WDFY4: variants seen among roughly 807,000 people sequenced by gnomAD.
The protein encoded by WDFY4 is WDFY family member 4.
In WDFY4, 169 loss-of-function variants were observed where a neutral mutation model predicts 351.9. That is an observed-to-expected ratio of 0.48 (90% confidence interval 0.42 to 0.55). WDFY4 has a LOEUF of 0.55. WDFY4 is among the 20% of genes least tolerant of loss of function. WDFY4 has a pLI of 0.00. For synonymous variants in WDFY4, 1,622 were observed against 1,574.6 expected (o/e 1.03, Z -0.71); for missense variants, 3,803 against 3,935.6 (o/e 0.97, Z 0.90).
Position 48,887,130 on chromosome 10 carries a change from T to C in WDFY4, c.7168-3449T>C, listed in dbSNP as rs935382092. Among the ~76,000 whole-genome samples the C allele has an allele frequency of 5.3e-5, 8 of 152,244 alleles. No individual in the cohort carries two copies. The East Asian group carries it at 1.2e-3, about 22-fold the overall frequency. Reference sequence around the variant, plus strand: ...TGGCTTATTCTGGTTGATACTTAAGTCTTCCCAAAGGGAAGCACCAGATCA... The same window carrying C: ...TGGCTTATTCTGGTTGATACTTAAGCCTTCCCAAAGGGAAGCACCAGATCA... On this transcript the variant is annotated intron_variant, in intron 43 of 61. Transcript: ENST00000325239.
intron 8 of WDFY4, 97 bp from the exon 9 acceptor site, chr10:48,731,013 A>C (rs2064441216): frequency 7.5e-7 from 1 of 1,332,536 alleles, no homozygotes; most frequent in African/African-American, 1.5e-5. Flanking sequence ...AGAACACAGA[A>C]ACTTCAAATG....
rs2067650351 is a variant in WDFY4, at chr10:48,817,230, C to G, written c.5341-15C>G. ...TCATGCTGCCCTGCACTACCTCTCACCAAGTGTGCCTCAGCCCCTGGCAGG... is the reference window on the plus strand; with the variant it reads ...TCATGCTGCCCTGCACTACCTCTCAGCAAGTGTGCCTCAGCCCCTGGCAGG... On this transcript the variant is annotated splice_polypyrimidine_tract_variant and intron_variant, in intron 31 of 61. Coordinates refer to ENST00000325239, the MANE Select transcript of WDFY4 (RefSeq NM_001394531.1). The G allele has an allele frequency of 6.4e-7, 1 of 1,550,978 alleles. No individual in the cohort carries two copies. The highest frequency in any genetic ancestry group is 2.0e-5 in the Admixed American group (1 of 50,982).
intron 32 of WDFY4, among the ~76,000 whole-genome samples, chr10:48,819,158 A>G (rs1483163864): frequency 6.6e-6 from 1 of 152,188 alleles, no homozygotes; most frequent in Non-Finnish European, 1.5e-5. Flanking sequence ...GCCCAGAGTC[A>G]CATCCCCAGC....
chr10:48,927,956 C>T (rs1310863618), intron 47 of WDFY4, among the ~76,000 whole-genome samples: 1 of 152,160 alleles, frequency 6.6e-6, no homozygotes, highest in African/African-American at 2.4e-5. Context: ...ACCCTATGTT[C>T]AAAACACACA....
chr10:48,941,463 A>G (rs1488066797), intron 47 of WDFY4, among the ~76,000 whole-genome samples: 2 of 152,140 alleles, frequency 1.3e-5, no homozygotes. Flanking sequence ...GGCAGGGATA[A>G]AGAAGGCCGA....
intron 39 of WDFY4, among the ~76,000 whole-genome samples, chr10:48,856,386 T>C (rs11101535): frequency 0.16 from 24,102 of 152,010 alleles, 2,702 homozygotes; most frequent in East Asian, 0.59. Flanking sequence ...TCAAGAAAAA[T>C]ATCCAGTTAT....
chr10:48,803,692 A>G (rs2067159405), intron 25 of WDFY4, among the ~76,000 whole-genome samples: 1 of 152,222 alleles, frequency 6.6e-6, no homozygotes, highest in Non-Finnish European at 1.5e-5. Context: ...TTTACCCTTC[A>G]AGTGGTAGAA....
intron 39 of WDFY4, among the ~76,000 whole-genome samples, chr10:48,851,215 G>C (rs953842760): frequency 6.6e-6 from 1 of 152,152 alleles, no homozygotes; most frequent in African/African-American, 2.4e-5. Context: ...AGAGGATGCC[G>C]AGGTGCTGCA....
intron 52 of WDFY4, among the ~76,000 whole-genome samples, chr10:48,958,840 G>A (rs1841727598): frequency 6.6e-6 from 1 of 152,178 alleles, no homozygotes; most frequent in South Asian, 2.1e-4. Flanking sequence ...ACCTGTTGAG[G>A]AGGTGGCAGG....
chr10:48,722,199 A>G (rs538233695), intron 4 of WDFY4, among the ~76,000 whole-genome samples: 13 of 152,290 alleles, frequency 8.5e-5, no homozygotes, highest in Admixed American at 8.5e-4. Flanking sequence ...TGGGAAGTTA[A>G]CTGAAGGGAG....
chr10:48,957,165 A>C lies in WDFY4; in HGVS notation c.8014A>C (p.Ser2672Arg). 6.4e-7 allele frequency: 1 copy of C among 1,551,574 alleles called. No homozygotes were observed. The highest frequency in any genetic ancestry group is 8.7e-7 in the Non-Finnish European group (1 of 1,146,894). Residue 2672 changes from serine (S) to arginine (R), a missense_variant, in exon 52 of 62, where the codon AGT becomes CGT. Physicochemically the swap from Ser to Arg is moderately radical, Grantham distance 110. This residue lies in a region of WDFY4 where 3,054 missense variants were observed against 3,148.6 expected (regional missense o/e 0.97). Coordinates refer to ENST00000325239, the MANE Select transcript of WDFY4 (RefSeq NM_001394531.1). Reference sequence around the variant, plus strand: ...CGACGTGGCAGACAGAATGTTCCACAGTGTGAAGAGCACGTGGGAGTCGGC... The same window carrying C: ...CGACGTGGCAGACAGAATGTTCCACCGTGTGAAGAGCACGTGGGAGTCGGC... The part of the protein sequence containing the change: ...SFDVADRMFH[S>R]VKSTWESASR...
At chr10:48,786,483 T>A (rs990235471) in intron 19 of WDFY4, among the ~76,000 whole-genome samples, 156 bp from the exon 20 acceptor site, 1 of 151,518 alleles carries the variant, frequency 6.6e-6, no homozygotes, top group Non-Finnish European at 1.5e-5. Context: ...GTTTTGCGCA[T>A]ACTTCTGAGA....
intron 19 of WDFY4, among the ~76,000 whole-genome samples, chr10:48,785,370 C>T (rs2066372145): frequency 6.6e-6 from 1 of 152,004 alleles, no homozygotes; most frequent in Non-Finnish European, 1.5e-5. Flanking sequence ...ATTAGTTTTT[C>T]CTTATATGAC....
chr10:48,975,650 G>T, intron 58 of WDFY4, among the ~76,000 whole-genome samples: 1 of 152,204 alleles, frequency 6.6e-6, no homozygotes, highest in East Asian at 1.9e-4. Context: ...TGAAAGTGGT[G>T]CTCCAGGTAG....
intron 46 of WDFY4, 149 bp from the exon 47 acceptor site, chr10:48,901,652 C>T (rs1837358139): frequency 5.3e-6 from 4 of 758,572 alleles, no homozygotes; most frequent in Non-Finnish European, 6.8e-6. Context: ...AGAGGTACAC[C>T]CAGGCCTGGT....
At chr10:48,778,872 G>A in intron 18 of WDFY4, 40 bp downstream of exon 18, 9 of 1,539,220 alleles carry the variant, frequency 5.8e-6, no homozygotes, top group Non-Finnish European at 7.9e-6. Context: ...ATCCACATGT[G>A]GGGGAAATGG....
rs531249805 is a variant in WDFY4 at position 48,975,500 on chromosome 10, T to C, written c.9108+459T>C. ...TTTCTTCCAGACTGAAGCCCTGTCA[T>C]GGGATATGGGGTTCCCTGAGGATGC... On this transcript the variant is annotated intron_variant, in intron 58 of 61. Coordinates refer to ENST00000325239, the MANE Select transcript of WDFY4 (RefSeq NM_001394531.1). Among the ~76,000 whole-genome samples the C allele has an allele frequency of 4.6e-5, 7 of 152,176 alleles. No individual in the cohort carries two copies. In the South Asian group the frequency reaches 1.5e-3, roughly 32 times the overall value.
chr10:48,892,857 C>G (rs1313131740), intron 44 of WDFY4, among the ~76,000 whole-genome samples: 1 of 152,188 alleles, frequency 6.6e-6, no homozygotes, highest in African/African-American at 2.4e-5. Flanking sequence ...TTGGAAATTT[C>G]CTCAGAAACT....
chr10:48,856,725 T>C (rs986290531), intron 39 of WDFY4, among the ~76,000 whole-genome samples: 5 of 152,202 alleles, frequency 3.3e-5, no homozygotes, highest in African/African-American at 1.2e-4. Context: ...TTTTAAGCCA[T>C]ACATTATTTT....
Sources: gnomAD v4.1 joint callset for allele counts (sites outside exome capture counted in the v4.1 genomes callset) on GRCh38, gnomAD v4.1.1 for gene constraint, gnomAD v4.1.1 regional missense constraint, MANE v1.5 for transcripts, NCBI Gene and HGNC (gene_info 2026-07-23, HGNC 2026-07-21) for gene names.